Variants in WDR27 observed in about 807,000 individuals in gnomAD.
WDR27 encodes WD repeat-containing protein 27.
WDR27 carries 100 observed loss-of-function variants against 114.4 expected under a neutral mutation model. That is an observed-to-expected ratio of 0.87 (90% CI 0.74 to 1.03). The LOEUF is 1.03. WDR27 is among the 50% of genes least tolerant of loss of function. The pLI is 0.00. For missense variants in WDR27, 1,129 were observed against 1,092.9 expected (o/e 1.03, Z -0.47); for synonymous variants, 449 against 423.1 (o/e 1.06, Z -0.75).
At chr6:169,521,550 T>C (rs1223328629) in intron 25 of WDR27, among the ~76,000 whole-genome samples, 1 of 152,078 alleles carries the variant, frequency 6.6e-6, no homozygotes, top group African/African-American at 2.4e-5. Flanking sequence ...ATAACAATAG[T>C]ATGAAGCCCA....
chr6:169,485,366 C>CA (rs1375369870), intron 25 of WDR27, among the ~76,000 whole-genome samples: 2 of 152,220 alleles, frequency 1.3e-5, no homozygotes, highest in Admixed American at 1.3e-4. Flanking sequence ...CATGAACAGA[C>CA]ACTTTTCAAA....
chr6:169,503,739 TAGA>T (rs1791637089), intron 25 of WDR27, among the ~76,000 whole-genome samples: 1 of 152,118 alleles, frequency 6.6e-6, no homozygotes, highest in Non-Finnish European at 1.5e-5. Flanking sequence ...CCACAGAAAG[TAGA>T]AGAATGCATT....
In WDR27 at chr6:169,659,231, C is replaced by G; in HGVS notation, c.1198-24G>C. ...ACCTGCAGGGACGCGGTTTCAACAT[C>G]GTTAGCGACACCACCCAGTAAAAGC... is the stretch of plus-strand genomic sequence containing the variant. On this transcript the variant is annotated intron_variant, in intron 11 of 25. Transcript: ENST00000448612. The surrounding 1 kb of genome is among the most constrained non-coding windows in gnomAD (Gnocchi z 4.3). 1 of 1,574,054 alleles carries G rather than the reference C, an allele frequency of 6.4e-7. No individual in the cohort carries two copies. Among genetic ancestry groups the G allele is most frequent in the African/African-American group, 1.4e-5 (1 of 73,378 alleles).
chr6:169,565,906 AGTGTTGGGATTACAGGC>A (rs963847134), intron 25 of WDR27, among the ~76,000 whole-genome samples: 28 of 152,294 alleles, frequency 1.8e-4, no homozygotes, highest in African/African-American at 6.5e-4. Flanking sequence ...AGCTTCCCAA[AGTGTTGGGATTACAGGC>A]GTGAGCCACT....
intron 1 of WDR27, among the ~76,000 whole-genome samples, chr6:169,691,328 T>C (rs925123994): frequency 1.3e-5 from 2 of 152,158 alleles, no homozygotes; most frequent in African/African-American, 4.8e-5. Flanking sequence ...TTAAAGCAAA[T>C]TTGTCTCCAA....
intron 23 of WDR27, among the ~76,000 whole-genome samples, chr6:169,597,363 G>A (rs1807016670): frequency 6.6e-6 from 1 of 151,354 alleles, no homozygotes; most frequent in African/African-American, 2.4e-5. Context: ...TTTGCCTCTT[G>A]ACATACTTGT....
chr6:169,648,191 T>G (rs1821288431), intron 15 of WDR27, among the ~76,000 whole-genome samples: 1 of 152,070 alleles, frequency 6.6e-6, no homozygotes, highest in Admixed American at 6.6e-5. Context: ...TAAGAGAAAA[T>G]GAATTTCACT....
chr6:169,573,553 C>A (rs187371402), intron 24 of WDR27, among the ~76,000 whole-genome samples: 1 of 152,068 alleles, frequency 6.6e-6, no homozygotes, highest in South Asian at 2.1e-4. Context: ...TGGGAGCACA[C>A]GGGGGACCTG....
At chr6:169,509,405 C>T (rs945498307) in intron 25 of WDR27, among the ~76,000 whole-genome samples, 16 of 152,336 alleles carry the variant, frequency 1.1e-4, no homozygotes, top group East Asian at 3.9e-4. Context: ...GTAACCAAAA[C>T]AGCATGGTAC....
intron 25 of WDR27, among the ~76,000 whole-genome samples, chr6:169,475,095 T>C (rs978805176): frequency 6.6e-6 from 1 of 152,270 alleles, no homozygotes; most frequent in Non-Finnish European, 1.5e-5. Flanking sequence ...GTGTCCTTCA[T>C]TGAAAATAAT....
chr6:169,553,946 C>A (rs916462855), intron 25 of WDR27, among the ~76,000 whole-genome samples: 5 of 152,212 alleles, frequency 3.3e-5, no homozygotes, highest in Non-Finnish European at 7.3e-5. Context: ...TGACATCTTA[C>A]AATTCCTAAA....
chr6:169,509,416 T>C (rs904066956), intron 25 of WDR27, among the ~76,000 whole-genome samples: 2 of 152,206 alleles, frequency 1.3e-5, no homozygotes, highest in Non-Finnish European at 2.9e-5. Context: ...AGCATGGTAC[T>C]GGTACGAAAA....
chr6:169,627,516 G>A (rs1025028249), intron 21 of WDR27, among the ~76,000 whole-genome samples: 1 of 152,218 alleles, frequency 6.6e-6, no homozygotes. Flanking sequence ...GGAAAAACAC[G>A]TATCAGAATG....
the WDR27 span, chr6:169,426,873 C>T: frequency 6.7e-6 from 1 of 149,204 alleles, no homozygotes; most frequent in Non-Finnish European, 1.5e-5. Context: ...CTGCTACATG[C>T]TGGGCCTCCT....
chr6:169,642,020 C>T (rs1819317592), intron 17 of WDR27, among the ~76,000 whole-genome samples: 1 of 152,222 alleles, frequency 6.6e-6, no homozygotes, highest in Non-Finnish European at 1.5e-5. Context: ...AAACACATAA[C>T]TCCTTTATTA....
intron 1 of WDR27, among the ~76,000 whole-genome samples, chr6:169,697,306 AG>A (rs1345202636): frequency 5.9e-5 from 9 of 152,184 alleles, no homozygotes; most frequent in Admixed American, 5.9e-4. Context: ...GGACCACCAG[AG>A]GGCTCCTTGG....
chr6:169,555,578 A>G (rs575786679), intron 25 of WDR27, among the ~76,000 whole-genome samples: 16 of 152,344 alleles, frequency 1.1e-4, no homozygotes, highest in African/African-American at 3.8e-4. Context: ...AACTATGGCC[A>G]TATGACACAT....
chr6:169,622,754 C>G (rs752526472), intron 21 of WDR27, among the ~76,000 whole-genome samples: 1 of 152,148 alleles, frequency 6.6e-6, no homozygotes, highest in African/African-American at 2.4e-5. Context: ...AGAAGCGTCC[C>G]GGTGAAACAG....
At chr6:169,625,116 A>G (rs1292658437) in intron 21 of WDR27, among the ~76,000 whole-genome samples, 2 of 152,250 alleles carry the variant, frequency 1.3e-5, no homozygotes, top group African/African-American at 4.8e-5. Context: ...CCGCGCCAGC[A>G]GCAGGTCATG....
Sources: allele counts gnomAD v4.1 joint callset (sites outside exome capture counted in the v4.1 genomes callset), GRCh38; gene constraint gnomAD v4.1.1; non-coding constraint Gnocchi (gnomAD v3.1); transcripts MANE v1.5; gene names NCBI Gene and HGNC (gene_info 2026-07-23, HGNC 2026-07-21).